Variants in PPFIBP2 observed in about 807,000 individuals in gnomAD.
PPFIBP2 encodes the protein PPFIB scaffold protein 2.
A neutral mutation model predicts 118.3 loss-of-function variants in PPFIBP2; 118 were observed. The observed-to-expected ratio is 1.00, with a 90% confidence interval of 0.86 to 1.16. The LOEUF is 1.16. PPFIBP2 is among the 50% of genes most tolerant of loss of function. The probability of loss-of-function intolerance (pLI) is 0.00; values close to 1 mark genes in which losing one functional copy is unlikely to be tolerated. For synonymous variants in PPFIBP2, 414 were observed against 397.4 expected (o/e 1.04, Z -0.50); for missense variants, 1,195 against 1,073.1 (o/e 1.11, Z -1.59).
At chr11:7,611,911 A>G (rs760300828) in intron 6 of PPFIBP2, among the ~76,000 whole-genome samples, 3 of 152,326 alleles carry the variant, frequency 2.0e-5, no homozygotes, top group Non-Finnish European at 2.9e-5. Context: ...TTGAGGGAGA[A>G]GTAACTGAAT....
intron 3 of PPFIBP2, among the ~76,000 whole-genome samples, chr11:7,584,131 A>G (rs1264173441): frequency 1.3e-5 from 2 of 152,258 alleles, no homozygotes; most frequent in East Asian, 3.8e-4. Flanking sequence ...GTAATACTAC[A>G]GAGCTTTTTA....
intron 1 of PPFIBP2, among the ~76,000 whole-genome samples, chr11:7,523,728 C>A (rs534124896): frequency 1.5e-4 from 23 of 152,304 alleles, no homozygotes; most frequent in African/African-American, 5.5e-4. Context: ...CCTACATTGC[C>A]TCTTCCCAGG....
intron 2 of PPFIBP2, among the ~76,000 whole-genome samples, chr11:7,557,842 T>G (rs1853815557): frequency 6.6e-6 from 1 of 152,188 alleles, no homozygotes; most frequent in Middle Eastern, 3.2e-3. Context: ...GTTTTGCTAT[T>G]GCTACTCCTG....
intron 1 of PPFIBP2, among the ~76,000 whole-genome samples, chr11:7,527,018 G>C (rs1300253757): frequency 6.6e-6 from 1 of 151,572 alleles, no homozygotes. Flanking sequence ...TGGGTTCACA[G>C]CATCCTAGAG....
In PPFIBP2 at chr11:7,648,525, G is replaced by T; in HGVS notation, c.1785G>T (p.Gln595His). 1 of 1,614,054 alleles carries T rather than the reference G, an allele frequency of 6.2e-7. No homozygotes were observed. Among genetic ancestry groups the T allele is most frequent in the Non-Finnish European group, 8.5e-7 (1 of 1,180,006 alleles). ...SGHTLLTATP[Q>H]DMEKELGIKH... is the part of the protein sequence containing the mutation. Reference sequence around the variant, plus strand: ...ACACCTTATTGACAGCCACCCCTCAGGACATGGAAAAGGTAAGGGCTCAGC... The same window carrying T: ...ACACCTTATTGACAGCCACCCCTCATGACATGGAAAAGGTAAGGGCTCAGC... The change falls in exon 18 of 24, where the codon CAG (glutamine) becomes CAT (histidine). Residue 595 changes from glutamine to histidine, a missense_variant. Transcript: ENST00000299492.
chr11:7,628,248 T>G, intron 8 of PPFIBP2, 37 bp from the exon 9 acceptor site: 2 of 1,564,194 alleles, frequency 1.3e-6, no homozygotes. Context: ...TGTCTGTATT[T>G]ATATAAATAA....
At chr11:7,652,810 G>A (rs748190935) in intron 23 of PPFIBP2, among the ~76,000 whole-genome samples, 1 of 152,168 alleles carries the variant, frequency 6.6e-6, no homozygotes, top group African/African-American at 2.4e-5. Context: ...AGTATTGGAG[G>A]GGCAGCTCTT....
Position 7,549,554 on chromosome 11 carries a change from C to T in PPFIBP2, c.64+15C>T. The T allele has an allele frequency of 6.5e-7, 1 of 1,543,484 alleles. No individual in the cohort carries two copies. The highest frequency in any genetic ancestry group is 1.2e-5 in the South Asian group (1 of 82,116). On this transcript the variant is annotated intron_variant, in intron 2 of 23. Transcript: ENST00000299492. ...GATCATTGCAGGTACGCCCAGGGAA[C>T]CCCAGCAACCAAGGTCTCATCCTCC...
intron 17 of PPFIBP2, among the ~76,000 whole-genome samples, chr11:7,643,085 G>T (rs1343658011): frequency 6.6e-6 from 1 of 152,228 alleles, no homozygotes; most frequent in Non-Finnish European, 1.5e-5. Context: ...TTAGAGGCTA[G>T]AGAATCTAAG....
intron 3 of PPFIBP2, among the ~76,000 whole-genome samples, chr11:7,579,283 C>G (rs1001443503): frequency 3.3e-5 from 5 of 152,158 alleles, no homozygotes; most frequent in African/African-American, 1.2e-4. Flanking sequence ...ATCTCCCAGT[C>G]TAGTTCTCTT....
intron 17 of PPFIBP2, among the ~76,000 whole-genome samples, chr11:7,642,793 C>T (rs1344853703): frequency 1.3e-5 from 2 of 152,216 alleles, no homozygotes; most frequent in Non-Finnish European, 2.9e-5. Context: ...TGTCCGTTCT[C>T]AGAAATAATA....
intron 2 of PPFIBP2, among the ~76,000 whole-genome samples, chr11:7,550,138 C>A (rs1280712373): frequency 6.6e-6 from 1 of 152,136 alleles, no homozygotes; most frequent in Non-Finnish European, 1.5e-5. Flanking sequence ...ATTAGCTGTT[C>A]CAGCTGATTC....
chr11:7,551,608 A>C (rs1235074606), intron 2 of PPFIBP2, among the ~76,000 whole-genome samples: 1 of 152,182 alleles, frequency 6.6e-6, no homozygotes. Context: ...TAAAATTTAG[A>C]GTCAGTTTTT....
the PPFIBP2 span, chr11:7,665,602 C>T: frequency 2.0e-6 from 3 of 1,523,668 alleles, no homozygotes; most frequent in Admixed American, 2.0e-5. Flanking sequence ...AGTTCCTGAT[C>T]CCAGGCCGCC....
At chr11:7,606,006 T>G (rs756385548) in intron 5 of PPFIBP2, 56 of 1,534,714 alleles carry the variant, frequency 3.6e-5, no homozygotes, top group Non-Finnish European at 4.7e-5. Context: ...GGAGACGGAG[T>G]GCGCCTAAAG....
intron 1 of PPFIBP2, among the ~76,000 whole-genome samples, chr11:7,517,095 T>C (rs1849294481): frequency 1.3e-5 from 2 of 152,218 alleles, no homozygotes; most frequent in Non-Finnish European, 2.9e-5. Context: ...GTCTGGTGGC[T>C]AACTGTAGTT....
At chr11:7,663,629 G>A in the PPFIBP2 span, among the ~76,000 whole-genome samples, 8 of 152,250 alleles carry the variant, frequency 5.3e-5, no homozygotes, top group African/African-American at 1.9e-4. Flanking sequence ...CCCAGAGGTG[G>A]AGCCTACAGA....
chr11:7,618,636 A>C (rs1374261800), intron 6 of PPFIBP2, among the ~76,000 whole-genome samples: 3 of 152,216 alleles, frequency 2.0e-5, no homozygotes, highest in African/African-American at 7.2e-5. Flanking sequence ...CAGGTATCTG[A>C]GGCCTTGACA....
chr11:7,620,706 T>G (rs1849244984), intron 6 of PPFIBP2, among the ~76,000 whole-genome samples: 1 of 152,170 alleles, frequency 6.6e-6, no homozygotes, highest in African/African-American at 2.4e-5. Context: ...CAGAACAGGT[T>G]CTAAAACTAA....
Sources: gnomAD v4.1 joint callset for allele counts (sites outside exome capture counted in the v4.1 genomes callset) on GRCh38, gnomAD v4.1.1 for gene constraint, MANE v1.5 for transcripts, NCBI Gene and HGNC (gene_info 2026-07-23, HGNC 2026-07-21) for gene names.